PRKD1: variants seen among roughly 807,000 people sequenced by gnomAD.
PRKD1 encodes the protein protein kinase D1.
PRKD1 carries 63 observed loss-of-function variants against 95.9 expected under a neutral mutation model. The observed-to-expected ratio is 0.66, with a 90% CI of 0.54 to 0.81. The LOEUF (loss-of-function observed/expected upper bound fraction) is 0.81. Ranked by LOEUF, PRKD1 falls within the 30% of genes least tolerant of loss-of-function variation. The pLI, the probability that PRKD1 is intolerant of heterozygous loss-of-function variation, is 0.00. For missense variants in PRKD1, 1,048 were observed against 1,165.3 expected, an observed-to-expected ratio of 0.90 and a Z score of 1.47; for synonymous variants, 425 against 423.1, an observed-to-expected ratio of 1.00 and a Z score of -0.05.
intron 1 of PRKD1, among the ~76,000 whole-genome samples, chr14:29,800,275 T>TATAC (rs1240864332): frequency 6.6e-6 from 1 of 152,210 alleles, no homozygotes; most frequent in African/African-American, 2.4e-5. Context: ...AAGCATCAAC[T>TATAC]GTATATCTCC....
At chr14:29,675,063 G>A (rs1883075331) in intron 2 of PRKD1, among the ~76,000 whole-genome samples, 2 of 152,210 alleles carry the variant, frequency 1.3e-5, no homozygotes, top group Non-Finnish European at 2.9e-5. Context: ...TGTTGGCCAA[G>A]GAACCTGCTG....
chr14:29,872,831 G>A (rs912714364), intron 1 of PRKD1, among the ~76,000 whole-genome samples: 3 of 152,068 alleles, frequency 2.0e-5, no homozygotes, highest in Non-Finnish European at 2.9e-5. Context: ...TCTGTATTTA[G>A]AAGCTGTTAT....
intron 2 of PRKD1, 93 bp downstream of exon 2, chr14:29,725,443 T>A: frequency 1.4e-6 from 2 of 1,446,824 alleles, no homozygotes; most frequent in Non-Finnish European, 1.9e-6. Flanking sequence ...GTTTGAGATA[T>A]GCTTTTTATG....
At chr14:29,697,463 C>G (rs1884590741) in intron 2 of PRKD1, among the ~76,000 whole-genome samples, 1 of 152,194 alleles carries the variant, frequency 6.6e-6, no homozygotes, top group Non-Finnish European at 1.5e-5. Flanking sequence ...TTACCATTTT[C>G]TAAAATCAGT....
At chr14:29,840,137 G>A (rs182917771) in intron 1 of PRKD1, among the ~76,000 whole-genome samples, 14 of 152,058 alleles carry the variant, frequency 9.2e-5, no homozygotes, top group South Asian at 8.3e-4. Flanking sequence ...TGCTTCCCTC[G>A]TAAAACTGAA....
chr14:29,913,862 T>C (rs984052133), intron 1 of PRKD1, among the ~76,000 whole-genome samples: 30 of 152,198 alleles, frequency 2.0e-4, no homozygotes, highest in African/African-American at 6.5e-4. Context: ...CTAACAGATA[T>C]CTAGTAAATT....
In PRKD1 at chr14:29,712,085, A is replaced by C. The variant is rs532000637; in HGVS notation, c.403+13451T>G. Among the ~76,000 whole-genome samples, 52 of 152,172 alleles carry C rather than the reference A, an allele frequency of 3.4e-4. 1 individual carries two copies. The highest frequency in any genetic ancestry group is 5.1e-4 in the Non-Finnish European group (35 of 68,020). On this transcript the variant is annotated intron_variant, in intron 2 of 17. Transcript: ENST00000331968. The stretch of plus-strand genomic sequence containing the variant: ...GAACAAGTATGTCTACTCACTGTGA[A>C]GAAAGGTGTCTTTGGAAAGTAATAC...
intron 1 of PRKD1, among the ~76,000 whole-genome samples, chr14:29,812,703 T>C (rs1204115102): frequency 6.6e-6 from 1 of 152,220 alleles, no homozygotes. Flanking sequence ...GAGGGGAAAC[T>C]GGCCCCATGA....
In PRKD1 at chr14:29,678,142, C is replaced by A. The variant is rs542486040; in HGVS notation, c.404-11934G>T. On this transcript the variant is annotated intron_variant, in intron 2 of 17. Transcript: ENST00000331968. The stretch of plus-strand genomic sequence containing the variant: ...TATTCTTTCGTAAGCTTATTGATTC[C>A]ATTTTTCCAAACATTTTATTTAGAA... 1.7e-4 allele frequency among the ~76,000 whole-genome samples: 26 copies of A among 152,090 alleles called. No homozygotes were observed. In the South Asian group the frequency reaches 5.4e-3, roughly 32 times the overall value.
chr14:29,898,323 GA>G (rs923215254), intron 1 of PRKD1, among the ~76,000 whole-genome samples: 1 of 151,948 alleles, frequency 6.6e-6, no homozygotes, highest in African/African-American at 2.4e-5. Context: ...TTTTTTTAAA[GA>G]ATTTTAAAAT....
intron 1 of PRKD1, among the ~76,000 whole-genome samples, chr14:29,801,030 C>G (rs111997347): frequency 6.6e-6 from 1 of 151,992 alleles, no homozygotes; most frequent in Non-Finnish European, 1.5e-5. Context: ...CCTGTATCAG[C>G]CCATTAGTCA....
intron 1 of PRKD1, among the ~76,000 whole-genome samples, chr14:29,813,489 C>T (rs1229982890): frequency 6.6e-6 from 1 of 152,126 alleles, no homozygotes; most frequent in African/African-American, 2.4e-5. Flanking sequence ...TTTTATGCTG[C>T]TCTTTAGGAC....
intron 4 of PRKD1, among the ~76,000 whole-genome samples, chr14:29,645,835 C>CA (rs1350433205): frequency 1.3e-5 from 2 of 152,066 alleles, no homozygotes; most frequent in African/African-American, 2.4e-5. Flanking sequence ...GAGGCCTCCT[C>CA]ACCACCTAAC....
intron 1 of PRKD1, among the ~76,000 whole-genome samples, chr14:29,803,526 T>C (rs540420595): frequency 6.6e-6 from 1 of 152,104 alleles, no homozygotes; most frequent in South Asian, 2.1e-4. Flanking sequence ...GACCCATGAA[T>C]TGCAACAGTT....
intron 1 of PRKD1, among the ~76,000 whole-genome samples, chr14:29,893,582 T>C (rs1011914490): frequency 6.6e-6 from 1 of 152,178 alleles, no homozygotes; most frequent in Non-Finnish European, 1.5e-5. Flanking sequence ...AATAAGCATA[T>C]GTAATGAAAA....
intron 16 of PRKD1, among the ~76,000 whole-genome samples, chr14:29,581,457 A>C (rs2138952638): frequency 1.3e-5 from 2 of 152,278 alleles, no homozygotes; most frequent in East Asian, 3.9e-4. Flanking sequence ...CCATTTTAAT[A>C]AAAGGAAAAC....
chr14:29,781,771 A>G (rs939348918), intron 1 of PRKD1, among the ~76,000 whole-genome samples: 1 of 152,256 alleles, frequency 6.6e-6, no homozygotes, highest in Non-Finnish European at 1.5e-5. Flanking sequence ...TTTCCATAAC[A>G]TACCATAGAA....
chr14:29,799,945 G>A (rs1566608102), intron 1 of PRKD1, among the ~76,000 whole-genome samples: 3 of 151,974 alleles, frequency 2.0e-5, no homozygotes, highest in Admixed American at 1.3e-4. Context: ...CTTGGTGATC[G>A]TGCTGCTCAA....
At chr14:29,630,234 A>G (rs1378980725) in intron 10 of PRKD1, among the ~76,000 whole-genome samples, 2 of 151,868 alleles carry the variant, frequency 1.3e-5, no homozygotes, top group African/African-American at 2.4e-5. Context: ...ATGCTTCCTG[A>G]GCTCAAGCAA....
Sources: gnomAD v4.1 joint callset for allele counts (sites outside exome capture counted in the v4.1 genomes callset) on GRCh38, gnomAD v4.1.1 for gene constraint, MANE v1.5 for transcripts, NCBI Gene and HGNC (gene_info 2026-07-23, HGNC 2026-07-21) for gene names.